STAB2: variants seen among roughly 807,000 people sequenced by gnomAD.
STAB2 encodes stabilin 2, also known as stabilin-2.
Under a neutral mutation model 338.1 loss-of-function variants are expected in STAB2, and 288 were observed. The observed-to-expected ratio is 0.85, with a 90% confidence interval of 0.77 to 0.94. The LOEUF is 0.94. STAB2 is among the 40% of genes least tolerant of loss of function. The probability of loss-of-function intolerance (pLI) is 0.00; values close to 1 mark genes in which losing one functional copy is unlikely to be tolerated. For missense variants in STAB2, 3,141 were observed against 3,210.1 expected, an observed-to-expected ratio of 0.98 and a Z score of 0.52; for synonymous variants, 1,202 against 1,193.3, an observed-to-expected ratio of 1.01 and a Z score of -0.15.
intron 3 of STAB2, among the ~76,000 whole-genome samples, chr12:103,610,363 G>C (rs1437519607): frequency 6.6e-6 from 1 of 152,154 alleles, no homozygotes; most frequent in African/African-American, 2.4e-5. Context: ...CTCAATTTCA[G>C]AGCCTGTTAT....
chr12:103,653,818 A>AC lies in STAB2; in HGVS notation c.1408-736dup, dbSNP rs1873960548. Among the ~76,000 whole-genome samples the AC allele has an allele frequency of 5.7e-5, 8 of 140,412 alleles. No homozygotes were observed. In the Admixed American group the frequency reaches 5.7e-4, roughly 10 times the overall value. The allele number at this position is 140,412 out of a possible 152,430, so 92.1% of individuals were successfully genotyped here. ...TCACTGAACAGATGGATGGGTAGAT[A>AC]CATGGATAGGTCACCGGATGGGTGG... On this transcript the variant is annotated intron_variant, in intron 12 of 68. Transcript: ENST00000388887.
At chr12:103,608,209 G>A (rs1430764336) in intron 3 of STAB2, among the ~76,000 whole-genome samples, 1 of 152,164 alleles carries the variant, frequency 6.6e-6, no homozygotes, top group East Asian at 1.9e-4. Context: ...TGCAATCTTG[G>A]CTCACTGCAA....
At chr12:103,601,516 C>T (rs867424433) in intron 3 of STAB2, among the ~76,000 whole-genome samples, 13 of 152,154 alleles carry the variant, frequency 8.5e-5, no homozygotes, top group Non-Finnish European at 1.8e-4. Context: ...TGCTTAAACC[C>T]GGGAGGCGGA....
At chr12:103,732,873 A>G (rs1881743901) in intron 50 of STAB2, 133 bp from the exon 51 acceptor site, 2 of 975,680 alleles carry the variant, frequency 2.0e-6, no homozygotes, top group Non-Finnish European at 3.0e-6. Flanking sequence ...CTCTAGCTGC[A>G]TCACCCTTGA....
intron 9 of STAB2, among the ~76,000 whole-genome samples, chr12:103,643,399 G>C (rs1174264973): frequency 6.6e-6 from 1 of 152,030 alleles, no homozygotes; most frequent in Non-Finnish European, 1.5e-5. Context: ...TTCCACTTAG[G>C]ATGCCATCTC....
At chr12:103,684,510 A>G (rs1475589348) in intron 26 of STAB2, among the ~76,000 whole-genome samples, 1 of 152,130 alleles carries the variant, frequency 6.6e-6, no homozygotes, top group Non-Finnish European at 1.5e-5. Flanking sequence ...TTTAAGCCCA[A>G]CCAAGCCCTG....
At chr12:103,733,274 T>G in intron 51 of STAB2, 92 bp downstream of exon 51, 1 of 1,447,582 alleles carries the variant, frequency 6.9e-7, no homozygotes, top group Non-Finnish European at 9.6e-7. Flanking sequence ...GAACTGTCAG[T>G]GTGTCCCTGT....
At chr12:103,740,572 C>A in intron 54 of STAB2, 58 bp from the exon 55 acceptor site, 1 of 1,576,884 alleles carries the variant, frequency 6.3e-7, no homozygotes. Flanking sequence ...AGACTAGAGC[C>A]CCAGAGCCCT....
At chr12:103,650,610 G>A (rs1049130399) in intron 11 of STAB2, 32 bp downstream of exon 11, 10 of 1,587,112 alleles carry the variant, frequency 6.3e-6, no homozygotes, top group Admixed American at 1.7e-5. Context: ...ACACCAAGGG[G>A]CTAATATGAA....
intron 5 of STAB2, among the ~76,000 whole-genome samples, chr12:103,628,440 C>T (rs116547235): frequency 0.017 from 2,530 of 152,256 alleles, 63 homozygotes; most frequent in African/African-American, 0.054. Context: ...CACTGATTTC[C>T]TAGGGCAGCT....
At chr12:103,706,744 A>C in intron 37 of STAB2, 48 bp from the exon 38 acceptor site, 1 of 1,610,066 alleles carries the variant, frequency 6.2e-7, no homozygotes, top group Non-Finnish European at 8.5e-7. Context: ...AGGCTGGACA[A>C]CACCAGAGGA....
chr12:103,690,409 G>A lies in STAB2; in HGVS notation c.3183-15G>A, dbSNP rs886642041. ...ATTTATATTGAATTATAGCCTTTGT[G>A]GACTATTGTTTCAGGTACCATATGC... On this transcript the variant is annotated splice_polypyrimidine_tract_variant and intron_variant, in intron 29 of 68. Transcript: ENST00000388887. 3.8e-6 allele frequency: 6 copies of A among 1,592,848 alleles called. No homozygotes were observed. Among genetic ancestry groups the A allele is most frequent in the Non-Finnish European group, 5.2e-6 (6 of 1,162,054 alleles).
At chr12:103,619,811 ACT>A (rs1957270467) in intron 3 of STAB2, among the ~76,000 whole-genome samples, 1 of 150,120 alleles carries the variant, frequency 6.7e-6, no homozygotes, top group African/African-American at 2.5e-5. Context: ...GCCCCATAAA[ACT>A]CTGTCATTCC....
chr12:103,595,304 C>T (rs987389954), intron 3 of STAB2, among the ~76,000 whole-genome samples: 12 of 151,944 alleles, frequency 7.9e-5, no homozygotes. Flanking sequence ...GAAAACATCT[C>T]CTTAGGATCC....
intron 68 of STAB2, among the ~76,000 whole-genome samples, chr12:103,764,649 T>C (rs533262069): frequency 1.3e-5 from 2 of 151,560 alleles, no homozygotes; most frequent in Admixed American, 1.3e-4. Context: ...GTGTAACAGA[T>C]ATTATTTTTC....
chr12:103,589,879 G>A (rs576403850), intron 1 of STAB2, among the ~76,000 whole-genome samples: 8 of 152,152 alleles, frequency 5.3e-5, no homozygotes, highest in Non-Finnish European at 1.0e-4. Context: ...TCATTTAAAG[G>A]TCTCAATAAC....
intron 65 of STAB2, 91 bp from the exon 66 acceptor site, chr12:103,761,209 C>A: frequency 8.3e-7 from 1 of 1,201,372 alleles, no homozygotes; most frequent in African/African-American, 1.5e-5. Context: ...AACATGGGCT[C>A]AGGGGCCTTG....
chr12:103,666,993 C>A (rs1875169113), intron 19 of STAB2, among the ~76,000 whole-genome samples: 2 of 152,200 alleles, frequency 1.3e-5, no homozygotes, highest in South Asian at 4.1e-4. Flanking sequence ...ATCTATCATT[C>A]ATATGCCAAG....
At chr12:103,632,766 C>G (rs763111811) in intron 6 of STAB2, among the ~76,000 whole-genome samples, 3 of 152,164 alleles carry the variant, frequency 2.0e-5, no homozygotes, top group African/African-American at 7.2e-5. Context: ...CGCCTCCCAC[C>G]GTGTCCCGCC....
Sources: allele counts gnomAD v4.1 joint callset (sites outside exome capture counted in the v4.1 genomes callset), GRCh38; gene constraint gnomAD v4.1.1; transcripts MANE v1.5; gene names NCBI Gene and HGNC (gene_info 2026-07-23, HGNC 2026-07-21).